Variants in WDR7 observed in about 807,000 individuals in gnomAD.
WDR7 encodes the protein WD repeat-containing protein 7.
WDR7 carries 46 observed loss-of-function variants against 169.4 expected under a neutral mutation model. The observed-to-expected ratio is 0.27, with a 90% CI of 0.21 to 0.35. WDR7 has a LOEUF of 0.35. Ranked by LOEUF, WDR7 falls within the 10% of genes least tolerant of loss-of-function variation. The pLI, the probability that WDR7 is intolerant of heterozygous loss-of-function variation, is 1.00. For synonymous variants in WDR7, 612 were observed against 666.8 expected, an observed-to-expected ratio of 0.92 and a Z score of 1.27; for missense variants, 1,534 against 1,859.3, an observed-to-expected ratio of 0.83 and a Z score of 3.22.
chr18:57,033,528 G>T (rs2048452830), downstream of WDR7: 2 of 152,142 alleles, frequency 1.3e-5, no homozygotes, highest in Non-Finnish European at 2.9e-5. Flanking sequence ...CCTAATAAAA[G>T]ATTTTTCCGG....
chr18:56,673,967 T>G (rs998051168), intron 2 of WDR7, among the ~76,000 whole-genome samples: 1 of 152,240 alleles, frequency 6.6e-6, no homozygotes, highest in Non-Finnish European at 1.5e-5. Flanking sequence ...ATGACTGGCT[T>G]TTATCATGTA....
At chr18:56,749,897 T>C (rs764698807) in intron 14 of WDR7, among the ~76,000 whole-genome samples, 1 of 151,490 alleles carries the variant, frequency 6.6e-6, no homozygotes, top group Non-Finnish European at 1.5e-5. Context: ...TATTAAAATA[T>C]TTAATAATAA....
intron 21 of WDR7, among the ~76,000 whole-genome samples, chr18:56,883,761 G>A (rs2046147424): frequency 6.6e-6 from 1 of 152,072 alleles, no homozygotes; most frequent in Non-Finnish European, 1.5e-5. Flanking sequence ...AACATACGAT[G>A]TTTGGTTTTC....
intron 12 of WDR7, among the ~76,000 whole-genome samples, chr18:56,702,835 T>C (rs1417961271): frequency 1.3e-5 from 2 of 152,222 alleles, no homozygotes; most frequent in East Asian, 3.8e-4. Context: ...TATTTACTTT[T>C]AGTATTATAG....
At chr18:56,704,626 C>T (rs1440645453) in intron 12 of WDR7, among the ~76,000 whole-genome samples, 1 of 152,194 alleles carries the variant, frequency 6.6e-6, no homozygotes, top group Non-Finnish European at 1.5e-5. Flanking sequence ...TAATGTCTTA[C>T]ACCTGTCTCT....
intron 19 of WDR7, among the ~76,000 whole-genome samples, chr18:56,784,915 TTG>T (rs1262336925): frequency 2.7e-5 from 4 of 149,826 alleles, no homozygotes; most frequent in Non-Finnish European, 4.5e-5. Context: ...TTTATTGTTG[TTG>T]TTTTTTTTTT....
At chr18:57,009,354 A>C (rs2048107058) in intron 26 of WDR7, among the ~76,000 whole-genome samples, 2 of 152,198 alleles carry the variant, frequency 1.3e-5, no homozygotes, top group South Asian at 2.1e-4. Flanking sequence ...ATCAGTCTCT[A>C]AGAAGTCACC....
rs1475865618 is a variant in WDR7 at position 56,923,955 on chromosome 18, C to T, written c.3560C>T (p.Pro1187Leu). ...CTGACGTTTCTTCTGCTACAGCCTC[C>T]AAGCCCCAAACTTCCTCCACACAGC... ...KALTFLLLQP[P>L]SPKLPPHSTI... is the part of the protein sequence containing the mutation. The change falls in exon 22 of 28, where the codon CCA becomes CTA. Residue 1187 changes from proline to leucine, a missense_variant. By Grantham distance (98) the Pro-to-Leu change is moderately conservative. Coordinates refer to ENST00000254442, the MANE Select transcript of WDR7 (RefSeq NM_015285.3). The T allele has an allele frequency of 6.3e-7, 1 of 1,580,388 alleles. No individual in the cohort carries two copies. Among genetic ancestry groups the T allele is most frequent in the East Asian group, 2.3e-5 (1 of 42,790 alleles).
chr18:56,702,065 C>T (rs1461491372), intron 12 of WDR7, among the ~76,000 whole-genome samples: 1 of 152,024 alleles, frequency 6.6e-6, no homozygotes, highest in Admixed American at 6.6e-5. Context: ...ATAGGGGAGG[C>T]CAAGAGTGTA....
downstream of WDR7, chr18:57,032,437 T>C (rs1057189449): frequency 1.3e-5 from 2 of 152,192 alleles, no homozygotes; most frequent in Non-Finnish European, 2.9e-5. Flanking sequence ...ATGTATTCTC[T>C]AAAACAGCGG....
intron 25 of WDR7, among the ~76,000 whole-genome samples, chr18:56,961,013 T>C (rs2047331413): frequency 6.6e-6 from 1 of 151,956 alleles, no homozygotes; most frequent in African/African-American, 2.4e-5. Flanking sequence ...AACCTTCCAC[T>C]AAAGGGGAGG....
intron 26 of WDR7, among the ~76,000 whole-genome samples, chr18:56,978,720 T>A (rs2047600943): frequency 6.6e-6 from 1 of 152,186 alleles, no homozygotes; most frequent in African/African-American, 2.4e-5. Context: ...CCAGGTGACA[T>A]ATCAGAATCA....
intron 13 of WDR7, among the ~76,000 whole-genome samples, chr18:56,726,740 A>G (rs1387119917): frequency 2.6e-5 from 4 of 152,106 alleles, no homozygotes; most frequent in African/African-American, 9.7e-5. Context: ...GCAGGGTTAA[A>G]TGTGGAGCTA....
intron 20 of WDR7, among the ~76,000 whole-genome samples, chr18:56,869,150 C>T (rs1347398969): frequency 6.6e-6 from 1 of 152,070 alleles, no homozygotes; most frequent in East Asian, 1.9e-4. Context: ...AATTGACACA[C>T]CTTCAGAGGA....
intron 19 of WDR7, among the ~76,000 whole-genome samples, chr18:56,788,719 C>G (rs574531618): frequency 3.3e-5 from 5 of 152,194 alleles, no homozygotes; most frequent in Admixed American, 2.6e-4. Flanking sequence ...TTCTAAAATA[C>G]CCCTTTTGTA....
intron 26 of WDR7, among the ~76,000 whole-genome samples, chr18:56,980,883 G>A (rs1207331648): frequency 1.3e-5 from 2 of 152,136 alleles, no homozygotes. Context: ...AGAGGCCCTC[G>A]CCAGTCAGGA....
chr18:56,949,788 G>A (rs1025657165), intron 25 of WDR7, among the ~76,000 whole-genome samples: 6 of 152,116 alleles, frequency 3.9e-5, no homozygotes, highest in African/African-American at 7.2e-5. Flanking sequence ...ACTGGTCTTC[G>A]GAGAATGTTG....
intron 19 of WDR7, among the ~76,000 whole-genome samples, chr18:56,805,636 A>G (rs1440471758): frequency 1.3e-5 from 2 of 151,978 alleles, no homozygotes; most frequent in Non-Finnish European, 2.9e-5. Context: ...TGATGACCAG[A>G]AAGAGAAATC....
chr18:56,978,486 G>C (rs943024736), intron 26 of WDR7, among the ~76,000 whole-genome samples: 9 of 152,204 alleles, frequency 5.9e-5, no homozygotes, highest in Non-Finnish European at 1.0e-4. Context: ...AAGAGTGTGA[G>C]AAGAGAAAGG....
Sources: gnomAD v4.1 joint callset for allele counts (sites outside exome capture counted in the v4.1 genomes callset) on GRCh38, gnomAD v4.1.1 for gene constraint, MANE v1.5 for transcripts, NCBI Gene and HGNC (gene_info 2026-07-23, HGNC 2026-07-21) for gene names.